The following MROH7 variants were observed in gnomAD, a reference collection of about 807,000 sequenced individuals.
The protein encoded by MROH7 is maestro heat like repeat family member 7, also known as maestro heat-like repeat-containing protein family member 7.
MROH7 carries 113 observed loss-of-function variants against 129.2 expected under a neutral mutation model. The observed-to-expected ratio is 0.87, with a 90% CI of 0.75 to 1.02. The LOEUF (loss-of-function observed/expected upper bound fraction) is 1.02, where lower values mean the gene tolerates loss of function less well. Ranked by LOEUF, MROH7 falls within the 50% of genes least tolerant of loss-of-function variation. The pLI is 0.00. For synonymous variants in MROH7, 655 were observed against 667.9 expected, an observed-to-expected ratio of 0.98 and a Z score of 0.30; for missense variants, 1,601 against 1,671.3, an observed-to-expected ratio of 0.96 and a Z score of 0.73.
At chr1:54,682,547 G>A in intron 13 of MROH7, 109 bp from the exon 14 acceptor site, 1 of 1,058,678 alleles carries the variant, frequency 9.4e-7, no homozygotes, top group Non-Finnish European at 1.4e-6. Context: ...GTGTGCCCAT[G>A]GATGCCATTT....
chr1:54,672,157 G>A (rs1277727118), intron 7 of MROH7, among the ~76,000 whole-genome samples: 1 of 151,974 alleles, frequency 6.6e-6, no homozygotes, highest in Admixed American at 6.6e-5. Flanking sequence ...GGGGTTGTGG[G>A]GGTGACTGAA....
At chr1:54,645,469 C>T (rs1477101590) in intron 1 of MROH7, among the ~76,000 whole-genome samples, 3 of 151,578 alleles carry the variant, frequency 2.0e-5, no homozygotes, top group Non-Finnish European at 4.4e-5. Context: ...TTAGTAGAGA[C>T]AGGGTTTCAC....
At chr1:54,695,259 G>A (rs184017260) in intron 16 of MROH7, 117 bp from the exon 17 acceptor site, 2 of 628,292 alleles carry the variant, frequency 3.2e-6, no homozygotes, top group East Asian at 2.8e-5. Context: ...TCCTGGGAAC[G>A]CAGGAATCCA....
intron 15 of MROH7, among the ~76,000 whole-genome samples, chr1:54,688,362 A>T (rs1234224534): frequency 2.6e-5 from 4 of 151,472 alleles, no homozygotes; most frequent in African/African-American, 9.7e-5. Context: ...GTAAGCCACC[A>T]TGTCCAGGCC....
intron 17 of MROH7, 34 bp downstream of exon 17, chr1:54,695,524 C>G: frequency 1.4e-6 from 2 of 1,426,440 alleles, no homozygotes; most frequent in Non-Finnish European, 2.0e-6. Flanking sequence ...ACAGCGGGAG[C>G]TCCTCCCGGG....
chr1:54,694,309 C>T (rs565537471), intron 16 of MROH7, among the ~76,000 whole-genome samples: 30 of 152,252 alleles, frequency 2.0e-4, no homozygotes, highest in Non-Finnish European at 3.2e-4. Context: ...TCATTCTGCA[C>T]TCCATGCATG....
In MROH7 at chr1:54,654,092, C is replaced by T. The variant is rs747670420; in HGVS notation, c.1166C>T (p.Pro389Leu). 15 of 1,613,816 alleles carry T rather than the reference C, an allele frequency of 9.3e-6. No individual in the cohort carries two copies. Among genetic ancestry groups the T allele is most frequent in the South Asian group, 4.4e-5 (4 of 91,016 alleles). ...EMASIKVGQF[P>L]LGFPISNPAG... ...GCCAGCATTAAGGTGGGCCAGTTCCCGCTGGGATTCCCCATCTCCAACCCC... is the reference window on the plus strand; with the variant it reads ...GCCAGCATTAAGGTGGGCCAGTTCCTGCTGGGATTCCCCATCTCCAACCCC... The change falls in exon 3 of 24, where the codon CCG becomes CTG. Residue 389 changes from proline (P) to leucine (L), a missense_variant. Pro to Leu is a moderately conservative substitution (Grantham distance 98). Transcript: ENST00000421030.
intron 15 of MROH7, 41 bp from the exon 16 acceptor site, chr1:54,692,383 G>A (rs2101173291): frequency 1.2e-6 from 2 of 1,609,410 alleles, no homozygotes; most frequent in South Asian, 1.1e-5. Flanking sequence ...GCCTGCTAGG[G>A]CCCAGGTAGG....
At chr1:54,662,493 C>T (rs986410672) in intron 3 of MROH7, among the ~76,000 whole-genome samples, 1 of 151,616 alleles carries the variant, frequency 6.6e-6, no homozygotes, top group African/African-American at 2.4e-5. Flanking sequence ...CCGAGATTGG[C>T]GCCACTGCAC....
intron 17 of MROH7, chr1:54,699,093 C>CTGCCTTTCTTTTTTT (rs1406420741): frequency 9.3e-6 from 1 of 107,984 alleles, no homozygotes; most frequent in South Asian, 3.4e-4. Context: ...CTTGCCTGGC[C>CTGCCTTTCTTTTTTT]TTTTCTTTCT....
chr1:54,683,099 A>T (rs142259988), intron 14 of MROH7, among the ~76,000 whole-genome samples: 26 of 150,576 alleles, frequency 1.7e-4, no homozygotes, highest in African/African-American at 6.0e-4. Flanking sequence ...GCACTTTGGG[A>T]GGCGGAGGCA....
chr1:54,690,569 G>A (rs1184424075), intron 15 of MROH7, among the ~76,000 whole-genome samples: 1 of 149,566 alleles, frequency 6.7e-6, no homozygotes, highest in South Asian at 2.1e-4. Flanking sequence ...TCAGCCTCCC[G>A]AGTAGCTGGG....
intron 17 of MROH7, chr1:54,699,161 T>TCTGTCTGTCTCTG (rs1553176968): frequency 8.8e-6 from 1 of 113,502 alleles, no homozygotes; most frequent in African/African-American, 3.6e-5. Flanking sequence ...TTTCTTTCTT[T>TCTGTCTGTCTCTG]TCTTTCTTTC....
In MROH7 at chr1:54,667,257, C is replaced by T. The variant is rs114399276; in HGVS notation, c.1306-1597C>T. Among the ~76,000 whole-genome samples the T allele has an allele frequency of 6.0e-3, 913 of 152,282 alleles. 11 individuals carry two copies. The highest frequency in any genetic ancestry group is 0.021 in the African/African-American group (860 of 41,570). ...CATTTGGATTAAATTAGCCATCCCTCTGTCATCACTCTTACAGTTTAAGTT... is the reference window on the plus strand; with the variant it reads ...CATTTGGATTAAATTAGCCATCCCTTTGTCATCACTCTTACAGTTTAAGTT... On this transcript the variant is annotated intron_variant, in intron 4 of 23. Transcript: ENST00000421030.
intron 13 of MROH7, among the ~76,000 whole-genome samples, 154 bp from the exon 14 acceptor site, chr1:54,682,502 C>T (rs1254265848): frequency 6.6e-6 from 1 of 152,188 alleles, no homozygotes; most frequent in African/African-American, 2.4e-5. Flanking sequence ...TAGCCCCTGA[C>T]TCTTTGGGAG....
chr1:54,675,799 A>G (rs1190732064), intron 10 of MROH7, among the ~76,000 whole-genome samples: 1 of 149,054 alleles, frequency 6.7e-6, no homozygotes, highest in African/African-American at 2.5e-5. Flanking sequence ...ATGGGGTTTC[A>G]CCATCTCTAC....
At chr1:54,690,049 G>T (rs1190754311) in intron 15 of MROH7, among the ~76,000 whole-genome samples, 1 of 150,212 alleles carries the variant, frequency 6.7e-6, no homozygotes, top group Non-Finnish European at 1.5e-5. Flanking sequence ...GTGTCCCAGT[G>T]CAGGGACAGA....
intron 3 of MROH7, among the ~76,000 whole-genome samples, chr1:54,654,410 G>A (rs546583666): frequency 7.9e-5 from 12 of 152,298 alleles, no homozygotes; most frequent in East Asian, 3.9e-4. Context: ...AGTGGCTCAC[G>A]CCTGTAATCC....
At chr1:54,658,665 C>A (rs1644684878) in intron 3 of MROH7, among the ~76,000 whole-genome samples, 1 of 150,788 alleles carries the variant, frequency 6.6e-6, no homozygotes, top group African/African-American at 2.4e-5. Flanking sequence ...GATCAAGTAC[C>A]AGAAGCCCAG....
Sources: allele counts gnomAD v4.1 joint callset (sites outside exome capture counted in the v4.1 genomes callset), GRCh38; gene constraint gnomAD v4.1.1; transcripts MANE v1.5; gene names NCBI Gene and HGNC (gene_info 2026-07-23, HGNC 2026-07-21).